Variants in PCM1 observed in about 807,000 individuals in gnomAD.
PCM1 encodes pericentriolar material 1 protein.
A neutral mutation model predicts 241.9 loss-of-function variants in PCM1; 157 were observed. The ratio of observed to expected loss-of-function variants is 0.65; its 90% CI spans 0.57 to 0.74. PCM1 has a LOEUF of 0.74. PCM1 is among the 30% of genes least tolerant of loss of function. PCM1 has a pLI of 0.00. For synonymous variants in PCM1, 1,085 were observed against 784.9 expected (o/e 1.38, Z -6.39); for missense variants, 3,478 against 2,360.1 (o/e 1.47, Z -9.81).
intron 36 of PCM1, chr8:18,025,133 CTTT>C (rs58967642): frequency 1.2e-3 from 191 of 157,156 alleles, no homozygotes; most frequent in Middle Eastern, 5.4e-3. Flanking sequence ...GCCCCCCTGC[CTTT>C]TTTTTTTTTT....
Position 17,927,887 on chromosome 8 carries a change from A to T in PCM1, c.-23+3107A>T, listed in dbSNP as rs1318820291. ...TTAAAAAAAAAAAAAAAAAAAAGTCATTGAAAGTAGCTTAAAATTGCCATA... is the reference window on the plus strand; with the variant it reads ...TTAAAAAAAAAAAAAAAAAAAAGTCTTTGAAAGTAGCTTAAAATTGCCATA... On this transcript the variant is annotated intron_variant, in intron 2 of 38. Coordinates refer to ENST00000325083, the MANE Select transcript of PCM1 (RefSeq NM_006197.4). 2.0e-5 allele frequency: 3 copies of T among 146,570 alleles called. No individual in the cohort carries two copies. The South Asian group carries it at 6.5e-4, about 32-fold the overall frequency. 9.1% of individuals were successfully genotyped at this position (146,570 alleles called of 1,614,324 possible).
At chr8:17,992,172 T>C (rs1436986785) in intron 28 of PCM1, among the ~76,000 whole-genome samples, 1 of 152,236 alleles carries the variant, frequency 6.6e-6, no homozygotes, top group Non-Finnish European at 1.5e-5. Context: ...TGGTTCCATA[T>C]TTTGCAACTG....
At chr8:18,023,445 T>G (rs2093920450) in intron 36 of PCM1, among the ~76,000 whole-genome samples, 1 of 152,206 alleles carries the variant, frequency 6.6e-6, no homozygotes, top group Non-Finnish European at 1.5e-5. Flanking sequence ...AAAAAAAGTT[T>G]TAATGATACT....
chr8:18,024,532 T>A (rs1311155336), intron 36 of PCM1, among the ~76,000 whole-genome samples: 1 of 152,182 alleles, frequency 6.6e-6, no homozygotes, highest in Non-Finnish European at 1.5e-5. Flanking sequence ...AATTACTGGT[T>A]AGATTTATTC....
chr8:17,966,234 A>G lies in PCM1; in HGVS notation c.3075+16A>G, dbSNP rs1352999189. ...AGACCAGCAGGTAAAATTTGCTATG[A>G]AAGTATATTTTTCGTCTATTTTTAT... is the stretch of plus-strand genomic sequence containing the variant. On this transcript the variant is annotated intron_variant, in intron 19 of 38. Coordinates refer to ENST00000325083, the MANE Select transcript of PCM1 (RefSeq NM_006197.4). The G allele has an allele frequency of 6.2e-7, 1 of 1,610,578 alleles. No homozygotes were observed. The highest frequency in any genetic ancestry group is 1.7e-5 in the Admixed American group (1 of 59,840).
At chr8:17,924,271 C>T (rs532325136) in intron 1 of PCM1, among the ~76,000 whole-genome samples, 6 of 152,246 alleles carry the variant, frequency 3.9e-5, no homozygotes, top group South Asian at 2.1e-4. Flanking sequence ...GAAGGTAAAC[C>T]TGGTATTTAT....
In PCM1 at chr8:18,028,101, C is replaced by T. The variant is rs1193380250; in HGVS notation, c.*439C>T. The T allele has an allele frequency of 4.9e-6, 1 of 204,878 alleles. No homozygotes were observed. Among genetic ancestry groups the T allele is most frequent in the Non-Finnish European group, 1.0e-5 (1 of 100,076 alleles). The allele number at this position is 204,878 out of a possible 1,614,324, so 12.7% of individuals were successfully genotyped here. Reference sequence around the variant, plus strand: ...ATATATTATTTGTTATAAAGCCCATCCATTAGGCCAGTCTTCCAACTAATG... The same window carrying T: ...ATATATTATTTGTTATAAAGCCCATTCATTAGGCCAGTCTTCCAACTAATG... On this transcript the variant is annotated 3_prime_UTR_variant, in exon 39 of 39. Coordinates refer to ENST00000325083, the MANE Select transcript of PCM1 (RefSeq NM_006197.4).
intron 22 of PCM1, 33 bp from the exon 23 acceptor site, chr8:17,972,296 G>T: frequency 7.9e-7 from 1 of 1,265,852 alleles, no homozygotes; most frequent in Non-Finnish European, 1.1e-6. Flanking sequence ...AACTATAGTT[G>T]TTAACTTATA....
At chr8:17,968,131 G>A (rs2075594335) in intron 21 of PCM1, among the ~76,000 whole-genome samples, 1 of 151,944 alleles carries the variant, frequency 6.6e-6, no homozygotes, top group African/African-American at 2.4e-5. Context: ...GAAATGAAAG[G>A]GCTTTCTAAT....
intron 4 of PCM1, among the ~76,000 whole-genome samples, chr8:17,938,531 C>G (rs2061110099): frequency 1.3e-5 from 2 of 152,110 alleles, no homozygotes; most frequent in South Asian, 4.1e-4. Flanking sequence ...ATTGTCTCAG[C>G]AAAGTGAAGT....
At chr8:17,956,050 G>T in intron 10 of PCM1, 1 of 233,546 alleles carries the variant, frequency 4.3e-6, no homozygotes, top group Non-Finnish European at 8.5e-6. Flanking sequence ...TGCAAAATAG[G>T]GATGATAATA....
chr8:17,949,255 A>G (rs2065082916), intron 7 of PCM1, among the ~76,000 whole-genome samples: 1 of 152,184 alleles, frequency 6.6e-6, no homozygotes, highest in Non-Finnish European at 1.5e-5. Flanking sequence ...AGCTACAATT[A>G]CAGTATTTAA....
chr8:18,027,622 T>C lies in PCM1; in HGVS notation c.6050-15T>C. 6.4e-7 allele frequency: 1 copy of C among 1,565,954 alleles called. No homozygotes were observed. Among genetic ancestry groups the C allele is most frequent in the Non-Finnish European group, 8.7e-7 (1 of 1,145,336 alleles). On this transcript the variant is annotated splice_polypyrimidine_tract_variant and intron_variant, in intron 38 of 38. Coordinates refer to ENST00000325083, the MANE Select transcript of PCM1 (RefSeq NM_006197.4). ...CGATAAGTAATTTATAAAGCATTTT[T>C]ATTCTGTTTTTCAGAAACGGTGGGA...
intron 16 of PCM1, among the ~76,000 whole-genome samples, chr8:17,962,594 T>G (rs543650101): frequency 1.3e-3 from 192 of 152,248 alleles, no homozygotes; most frequent in Non-Finnish European, 2.2e-3. Flanking sequence ...GAAGTATATT[T>G]GAGTTCTACT....
chr8:17,998,586 C>A (rs924079556), intron 29 of PCM1, among the ~76,000 whole-genome samples: 2 of 152,196 alleles, frequency 1.3e-5, no homozygotes, highest in East Asian at 1.9e-4. Context: ...TGGTGACTTA[C>A]CACTGTGACT....
Position 17,937,278 on chromosome 8 carries a change from C to T in PCM1, c.241C>T (p.His81Tyr), listed in dbSNP as rs767561500. 2.2e-5 allele frequency: 35 copies of T among 1,609,920 alleles called. No homozygotes were observed. In the Middle Eastern group the frequency reaches 1.5e-3, roughly 68 times the overall value. The change falls in exon 4 of 39, where the codon CAT (histidine) becomes TAT (tyrosine). Residue 81 changes from histidine to tyrosine, a missense_variant. Physicochemically the swap from His to Tyr is moderately conservative, Grantham distance 83. Coordinates refer to ENST00000325083, the MANE Select transcript of PCM1 (RefSeq NM_006197.4). ...GVGRRRTKTPHTFPHSRYMSQ... is the reference protein window; with the variant it reads ...GVGRRRTKTPYTFPHSRYMSQ... ...TGGAAGGCGAAGAACAAAGACTCCA[C>T]ATACGTTCCCACACAGTAGATACAT...
rs144901212 is a variant in PCM1 at position 17,930,084 on chromosome 8, C to T, written c.-23+5304C>T. ...GTATTCTGTACATCCTTAGTCTTTT[C>T]GTTATTGGAATACTTCCTTTTTTTT... On this transcript the variant is annotated intron_variant, in intron 2 of 38. Transcript: ENST00000325083. Among the ~76,000 whole-genome samples, 633 of 146,292 alleles carry T rather than the reference C, an allele frequency of 4.3e-3. 4 individuals carry two copies. The highest frequency in any genetic ancestry group is 7.3e-3 in the Non-Finnish European group (489 of 66,808).
chr8:17,954,574 G>C (rs909830929), intron 9 of PCM1, among the ~76,000 whole-genome samples: 5 of 152,198 alleles, frequency 3.3e-5, no homozygotes, highest in African/African-American at 7.2e-5. Context: ...GAAGCAGTGT[G>C]AGAGCAGCAG....
At chr8:18,016,327 G>A (rs753048849) in intron 36 of PCM1, among the ~76,000 whole-genome samples, 1 of 152,090 alleles carries the variant, frequency 6.6e-6, no homozygotes. Flanking sequence ...AAAGACTCTG[G>A]GACCCCTCTT....
Sources: allele counts gnomAD v4.1 joint callset (sites outside exome capture counted in the v4.1 genomes callset), GRCh38; gene constraint gnomAD v4.1.1; transcripts MANE v1.5; gene names NCBI Gene and HGNC (gene_info 2026-07-23, HGNC 2026-07-21).